ATP2C2: variants seen among roughly 807,000 people sequenced by gnomAD.
ATP2C2 encodes ATPase secretory pathway Ca2+ transporting 2, also known as calcium-transporting ATPase type 2C member 2.
ATP2C2 carries 171 observed loss-of-function variants against 110.8 expected under a neutral mutation model. The ratio of observed to expected loss-of-function variants is 1.54; its 90% CI spans 1.36 to 1.75. ATP2C2 has a LOEUF of 1.75. Ranked by LOEUF, ATP2C2 falls within the 40% of genes most tolerant of loss-of-function variation. The probability of loss-of-function intolerance (pLI) is 0.00; values close to 1 mark genes in which losing one functional copy is unlikely to be tolerated. For synonymous variants in ATP2C2, 804 were observed against 508.4 expected, an observed-to-expected ratio of 1.58 and a Z score of -7.82; for missense variants, 1,963 against 1,235.0, an observed-to-expected ratio of 1.59 and a Z score of -8.84.
At chr16:84,373,923 G>A (rs1052421011) in intron 1 of ATP2C2, among the ~76,000 whole-genome samples, 1 of 152,174 alleles carries the variant, frequency 6.6e-6, no homozygotes, top group African/African-American at 2.4e-5. Flanking sequence ...ATTTACATTT[G>A]TCAGGACTTT....
chr16:84,426,007 A>G, intron 11 of ATP2C2: 3 of 598,340 alleles, frequency 5.0e-6, no homozygotes, highest in South Asian at 3.9e-5. Context: ...ATGACAGCAA[A>G]TGATCCAGGG....
At chr16:84,373,058 T>G (rs895565131) in intron 1 of ATP2C2, among the ~76,000 whole-genome samples, 1 of 147,930 alleles carries the variant, frequency 6.8e-6, no homozygotes, top group Non-Finnish European at 1.5e-5. Flanking sequence ...AGGCGGAGGT[T>G]GCAGAGAGCT....
intron 15 of ATP2C2, among the ~76,000 whole-genome samples, chr16:84,445,489 T>G (rs566807023): frequency 2.6e-5 from 4 of 152,322 alleles, no homozygotes; most frequent in African/African-American, 7.2e-5. Flanking sequence ...ATTACAGGCA[T>G]GAGCCACCAT....
intron 7 of ATP2C2, among the ~76,000 whole-genome samples, chr16:84,416,220 G>A (rs1227376992): frequency 1.3e-5 from 2 of 152,178 alleles, no homozygotes; most frequent in Non-Finnish European, 2.9e-5. Context: ...GGCAAGCTTC[G>A]TGGGTCTCTG....
At chr16:84,433,337 C>G (rs552723465) in intron 11 of ATP2C2, among the ~76,000 whole-genome samples, 1 of 152,176 alleles carries the variant, frequency 6.6e-6, no homozygotes, top group East Asian at 1.9e-4. Context: ...GAGCCATGAT[C>G]TTGCCACTGC....
chr16:84,462,210 C>T (rs1911447601), intron 26 of ATP2C2, 81 bp downstream of exon 26: 3 of 1,544,038 alleles, frequency 1.9e-6, no homozygotes, highest in Non-Finnish European at 1.8e-6. Context: ...GAGCTGCAGC[C>T]CAGGAGGGGT....
chr16:84,432,728 C>G (rs1823130684), intron 11 of ATP2C2, among the ~76,000 whole-genome samples: 1 of 152,076 alleles, frequency 6.6e-6, no homozygotes, highest in Non-Finnish European at 1.5e-5. Context: ...ACTATGTTGG[C>G]CAGGCTCATC....
chr16:84,454,893 G>A lies in ATP2C2; in HGVS notation c.2056G>A (p.Asp686Asn). ...VNDAVALKSA[D>N]IGIAMGQTGT... Reference sequence around the variant, plus strand: ...CGACGCAGTGGCCCTGAAGTCTGCAGACATTGGGATCGCCATGGGGCAGAC... The same window carrying A: ...CGACGCAGTGGCCCTGAAGTCTGCAAACATTGGGATCGCCATGGGGCAGAC... The change falls in exon 21 of 27, where the codon GAC (aspartate) becomes AAC (asparagine). Residue 686 changes from aspartate to asparagine, a missense_variant. Physicochemically the swap from Asp to Asn is conservative, Grantham distance 23 (BLOSUM62 1). Transcript: ENST00000262429. The A allele has an allele frequency of 6.2e-7, 1 of 1,614,116 alleles. No individual in the cohort carries two copies. Among genetic ancestry groups the A allele is most frequent in the East Asian group, 2.2e-5 (1 of 44,868 alleles).
intron 15 of ATP2C2, among the ~76,000 whole-genome samples, chr16:84,444,288 C>T (rs1597849784): frequency 1.3e-5 from 2 of 150,596 alleles, no homozygotes; most frequent in Non-Finnish European, 1.5e-5. Context: ...GCCTGGCCAA[C>T]ATGGTGAAAC....
chr16:84,448,718 T>G (rs1399827922), intron 17 of ATP2C2, 29 bp downstream of exon 17: 11 of 1,588,786 alleles, frequency 6.9e-6, no homozygotes, highest in Non-Finnish European at 8.6e-6. Context: ...GGCCCAGAGC[T>G]TTAAGCTTGC....
At chr16:84,435,848 G>T (rs1190071975) in intron 11 of ATP2C2, among the ~76,000 whole-genome samples, 3 of 149,210 alleles carry the variant, frequency 2.0e-5, no homozygotes, top group Non-Finnish European at 4.4e-5. Context: ...TAAAAAACAG[G>T]CAAGGCACAG....
At chr16:84,410,868 A>T (rs1353716176) in intron 6 of ATP2C2, 103 bp downstream of exon 6, 7 of 1,182,978 alleles carry the variant, frequency 5.9e-6, no homozygotes, top group Non-Finnish European at 8.6e-6. Context: ...GTAGTGTCGG[A>T]CAAGAGAACC....
At chr16:84,443,274 G>A (rs1253019830) in intron 15 of ATP2C2, among the ~76,000 whole-genome samples, 7 of 152,164 alleles carry the variant, frequency 4.6e-5, no homozygotes, top group African/African-American at 1.7e-4. Flanking sequence ...GGAAGAAGGT[G>A]GCCCCGGTCA....
intron 6 of ATP2C2, among the ~76,000 whole-genome samples, chr16:84,413,394 G>A (rs995281336): frequency 4.6e-5 from 7 of 152,084 alleles, no homozygotes; most frequent in African/African-American, 1.7e-4. Context: ...ACCAAATAGG[G>A]ACAAGAAGAG....
intron 2 of ATP2C2, among the ~76,000 whole-genome samples, chr16:84,400,954 C>T (rs1213957778): frequency 6.6e-6 from 1 of 152,092 alleles, no homozygotes; most frequent in Non-Finnish European, 1.5e-5. Context: ...GCTCTTTATA[C>T]ATTCTGGTTA....
chr16:84,392,205 A>G (rs1288330574), intron 1 of ATP2C2, among the ~76,000 whole-genome samples: 1 of 152,156 alleles, frequency 6.6e-6, no homozygotes, highest in Non-Finnish European at 1.5e-5. Context: ...CACAAATCTC[A>G]GGCTTCCTAG....
chr16:84,403,445 A>T (rs1422919907), intron 2 of ATP2C2, among the ~76,000 whole-genome samples: 3 of 152,042 alleles, frequency 2.0e-5, no homozygotes, highest in Non-Finnish European at 4.4e-5. Context: ...AGCTGAGACT[A>T]CAGGAGTCTG....
intron 15 of ATP2C2, among the ~76,000 whole-genome samples, chr16:84,444,179 A>AC (rs1555565302): frequency 6.1e-5 from 9 of 147,604 alleles, no homozygotes; most frequent in African/African-American, 1.5e-4. Flanking sequence ...AAAAAAAAAA[A>AC]AAAAACAAAA....
intron 15 of ATP2C2, among the ~76,000 whole-genome samples, chr16:84,445,668 G>C (rs2150574324): frequency 1.3e-5 from 2 of 152,326 alleles, no homozygotes; most frequent in South Asian, 4.1e-4. Flanking sequence ...CCCCACTAAG[G>C]AGATGGTTTA....
Sources: gnomAD v4.1 joint callset for allele counts (sites outside exome capture counted in the v4.1 genomes callset) on GRCh38, gnomAD v4.1.1 for gene constraint, MANE v1.5 for transcripts, NCBI Gene and HGNC (gene_info 2026-07-23, HGNC 2026-07-21) for gene names.